Variants in KMT2D observed in about 807,000 individuals in gnomAD.
The protein encoded by KMT2D is histone-lysine N-methyltransferase 2D.
Under a neutral mutation model 512.7 loss-of-function variants are expected in KMT2D, and 55 were observed. The ratio of observed to expected loss-of-function variants is 0.11; its 90% confidence interval spans 0.09 to 0.13. KMT2D has a LOEUF of 0.13. Ranked by LOEUF, KMT2D falls within the 10% of genes least tolerant of loss-of-function variation. KMT2D has a pLI of 1.00. For missense variants in KMT2D, 6,061 were observed against 7,127.9 expected, an observed-to-expected ratio of 0.85 and a Z score of 5.39; for synonymous variants, 2,995 against 2,904.0, an observed-to-expected ratio of 1.03 and a Z score of -1.01.
rs970636133 is a variant in KMT2D at position 49,050,470 on chromosome 12, A to G, written c.3118T>C (p.Ser1040Pro). The change falls in exon 12 of 55, where the codon TCC becomes CCC. Residue 1040 changes from serine (S) to proline (P), a missense_variant. By Grantham distance (74) the Ser-to-Pro change is moderately conservative. This residue lies in a region of KMT2D where 447 missense variants were observed against 500.1 expected (regional missense o/e 0.89). Coordinates refer to ENST00000301067, the MANE Select transcript of KMT2D (RefSeq NM_003482.4). ...HSLVPQNSPP[S>P]QCSPPALPLS... is the part of the protein sequence containing the mutation. The stretch of plus-strand genomic sequence containing the variant: ...GGTAGGGCAGGAGGAGAGCACTGGG[A>G]AGGAGGGGAGTTTTGGGGAACCAGG... 1.2e-5 allele frequency: 19 copies of G among 1,613,616 alleles called. No homozygotes were observed. The highest frequency in any genetic ancestry group is 1.5e-5 in the Non-Finnish European group (18 of 1,179,754).
At chr12:49,048,854 G>T in intron 13 of KMT2D, 85 bp from the exon 14 acceptor site, 2 of 926,830 alleles carry the variant, frequency 2.2e-6, no homozygotes, top group Non-Finnish European at 3.4e-6. Context: ...GGGGAAGAAA[G>T]TGTGAACCCT....
intron 2 of KMT2D, 72 bp from the exon 3 acceptor site, chr12:49,055,098 T>A: frequency 1.9e-6 from 3 of 1,572,596 alleles, no homozygotes; most frequent in Middle Eastern, 1.7e-4. Flanking sequence ...ACCAGACGCA[T>A]GAGATTATCC....
In KMT2D at chr12:49,049,879, A is replaced by C. The variant is rs368506864; in HGVS notation, c.3709T>G (p.Ser1237Ala). The change falls in exon 12 of 55, where the codon TCC becomes GCC. Residue 1237 changes from serine (S) to alanine (A), a missense_variant. Physicochemically the swap from Ser to Ala is moderately conservative, Grantham distance 99 (BLOSUM62 1). This residue lies in a region of KMT2D where 447 missense variants were observed against 500.1 expected (regional missense o/e 0.89). Transcript: ENST00000301067. ...GAGACCCCCAACTCCATGGACAGGG[A>C]GCCACCCCCCTCCGGGTCTGGAGAG... ...LGSPDPEGGG[S>A]LSMELGVSTD... 3 of 1,613,724 alleles carry C rather than the reference A, an allele frequency of 1.9e-6. No homozygotes were observed. The highest frequency in any genetic ancestry group is 2.5e-6 in the Non-Finnish European group (3 of 1,179,874).
rs1449262096 is a variant in KMT2D, at chr12:49,041,666, T to G, written c.6223A>C (p.Lys2075Gln). 5 of 1,613,204 alleles carry G rather than the reference T, an allele frequency of 3.1e-6. No individual in the cohort carries two copies. The Admixed American group carries it at 5.0e-5, about 16-fold the overall frequency. Residue 2075 changes from lysine (K) to glutamine (Q), a missense_variant, in exon 31 of 55, where the codon AAG (lysine) becomes CAG (glutamine). Physicochemically the swap from Lys to Gln is moderately conservative, Grantham distance 53 (BLOSUM62 1). Coordinates refer to ENST00000301067, the MANE Select transcript of KMT2D (RefSeq NM_003482.4). This position sits in a 1 kb window ranked among gnomAD's most constrained non-coding sequence, Gnocchi z 5.4. ...KDNRAAHRIN[K>Q]VQKQAESQIN... ...CCAGCCCCACTCACCTTCTGCACCT[T>G]GTTGATGCGGTGAGCTGCCCGGTTA...
In KMT2D at chr12:49,030,907, T is replaced by C. The variant is rs2120410902; in HGVS notation, c.13657A>G (p.Lys4553Glu). ...TGGGGGGTCACCTGTTTCAGCTGTTTCAGCAAGGCCTCGCTGGCCCTGACC... is the reference window on the plus strand; with the variant it reads ...TGGGGGGTCACCTGTTTCAGCTGTTCCAGCAAGGCCTCGCTGGCCCTGACC... ...DGVRASEALL[K>E]QLKQELSLLP... is the part of the protein sequence containing the mutation. Residue 4553 changes from lysine to glutamate, a missense_variant, in exon 41 of 55, where the codon AAA becomes GAA. Lys to Glu is a moderately conservative substitution (Grantham distance 56). Coordinates refer to ENST00000301067, the MANE Select transcript of KMT2D (RefSeq NM_003482.4). The C allele has an allele frequency of 1.2e-6, 2 of 1,613,830 alleles. No homozygotes were observed. The highest frequency in any genetic ancestry group is 1.7e-6 in the Non-Finnish European group (2 of 1,179,818).
chr12:49,037,816 A>G lies in KMT2D; in HGVS notation c.9540T>C (p.Ala3180=), dbSNP rs2120486028. The G allele has an allele frequency of 6.3e-7, 1 of 1,597,342 alleles. No homozygotes were observed. Among genetic ancestry groups the G allele is most frequent in the Non-Finnish European group, 8.5e-7 (1 of 1,171,808 alleles). ...TGPFSSSGHT[A]EKASFGATGG... The stretch of plus-strand genomic sequence containing the variant: ...CCGTGGCCCCAAAGGAGGCCTTCTC[A>G]GCTGTGTGCCCACTGCTAGAAAATG... The change falls in exon 35 of 55, where the codon GCT becomes GCC. Residue 3180 remains alanine, a synonymous_variant. Coordinates refer to ENST00000301067, the MANE Select transcript of KMT2D (RefSeq NM_003482.4).
intron 1 of KMT2D, among the ~76,000 whole-genome samples, chr12:49,059,318 T>G (rs761994423): frequency 2.6e-5 from 4 of 152,028 alleles, no homozygotes; most frequent in Non-Finnish European, 4.4e-5. Context: ...GGTCCTAGTT[T>G]AGTCGAGCTC....
In KMT2D at chr12:49,022,274, T is replaced by A. The variant is rs1029145285; in HGVS notation, c.16412+6A>T. The stretch of plus-strand genomic sequence containing the variant: ...ACTAAATCCCTCCTTCCTCGTCATC[T>A]CTCACCTGGCAGGGCCGCCGGTCAA... On this transcript the variant is annotated splice_donor_region_variant and intron_variant, in intron 53 of 54. Coordinates refer to ENST00000301067, the MANE Select transcript of KMT2D (RefSeq NM_003482.4). The surrounding 1 kb of genome is among the most constrained non-coding windows in gnomAD (Gnocchi z 8.6). The A allele has an allele frequency of 6.2e-7, 1 of 1,604,856 alleles. No homozygotes were observed. Among genetic ancestry groups the A allele is most frequent in the Non-Finnish European group, 8.5e-7 (1 of 1,172,200 alleles).
Position 49,039,385 on chromosome 12 carries a change from G to A in KMT2D, c.8230-27C>T, listed in dbSNP as rs2120510858. 1.6e-5 allele frequency: 26 copies of A among 1,607,652 alleles called. No homozygotes were observed. The highest frequency in any genetic ancestry group is 2.2e-5 in the Non-Finnish European group (26 of 1,176,452). ...TAGAAGAGACAAGGTAGATGAAGGT[G>A]GAGCAACCTTCAATATCCTGGCCCC... On this transcript the variant is annotated intron_variant, in intron 33 of 54. Coordinates refer to ENST00000301067, the MANE Select transcript of KMT2D (RefSeq NM_003482.4). This position sits in a 1 kb window ranked among gnomAD's most constrained non-coding sequence, Gnocchi z 5.0.
At position 49,053,092 on chromosome 12, in the gene KMT2D, A is replaced by G; in HGVS notation, c.955-20T>C. On this transcript the variant is annotated intron_variant, in intron 8 of 54. Transcript: ENST00000301067. ...GCACGCCTAAGGGAAGGGAGTGGGC[A>G]AAACAGGCATTGGTCAGACAGCAAA... 1 of 1,613,950 alleles carries G rather than the reference A, an allele frequency of 6.2e-7. No homozygotes were observed. Among genetic ancestry groups the G allele is most frequent in the Non-Finnish European group, 8.5e-7 (1 of 1,179,798 alleles).
chr12:49,043,308 A>C, intron 25 of KMT2D, 55 bp downstream of exon 25: 10 of 1,580,114 alleles, frequency 6.3e-6, no homozygotes, highest in Non-Finnish European at 8.7e-6. Context: ...GGCACAGCAG[A>C]GGGACAGAGG....
Position 49,051,370 on chromosome 12 carries a change from G to GGACAGGTGTGGCTCCTCAGCCTGCGGA in KMT2D, c.2286_2312dup (p.Ala765_Gln773dup), listed in dbSNP as rs753915746. ...ATAGGCATGGCTCCTCAGGCTGGGG[G>GGACAGGTGTGGCTCCTCAGCCTGCGGA]GACAGGTGTGGCTCCTCAGCCTGCG... On this transcript the variant is annotated inframe_insertion, in exon 11 of 55. Transcript: ENST00000301067. 3.1e-6 allele frequency: 5 copies of GGACAGGTGTGGCTCCTCAGCCTGCGGA among 1,610,082 alleles called. No individual in the cohort carries two copies. The highest frequency in any genetic ancestry group is 4.2e-6 in the Non-Finnish European group (5 of 1,178,078).
rs2120585374 is a variant in KMT2D at position 49,044,543 on chromosome 12, G to A, written c.4964-21C>T. The A allele has an allele frequency of 6.2e-7, 1 of 1,612,526 alleles. No homozygotes were observed. Among genetic ancestry groups the A allele is most frequent in the Non-Finnish European group, 8.5e-7 (1 of 1,179,224 alleles). ...ACCACCTGCGTATGGTGACAGAAGA[G>A]ATGGAGGCAAATCAGAACTATAGGC... On this transcript the variant is annotated intron_variant, in intron 20 of 54. Coordinates refer to ENST00000301067, the MANE Select transcript of KMT2D (RefSeq NM_003482.4). The surrounding 1 kb of genome is among the most constrained non-coding windows in gnomAD (Gnocchi z 6.4).
rs1942699535 is a variant in KMT2D at position 49,028,078 on chromosome 12, C to G, written c.14446G>C (p.Glu4816Gln). ...LLSMKIPNSY[E>Q]VLFPESPARA... ...GCGGGGCTCTCTGGGAACAGCACCT[C>G]ATAGGAGTTGGGGATCTTCATGCTC... is the stretch of plus-strand genomic sequence containing the variant. The change falls in exon 47 of 55, where the codon GAG becomes CAG. Residue 4816 changes from glutamate (E) to glutamine (Q), a missense_variant. Transcript: ENST00000301067. The G allele has an allele frequency of 3.1e-6, 5 of 1,613,962 alleles. No homozygotes were observed. Among genetic ancestry groups the G allele is most frequent in the Non-Finnish European group, 4.2e-6 (5 of 1,179,874 alleles).
rs1268999087 is a variant in KMT2D, at chr12:49,040,268, C to T, written c.7502G>A (p.Gly2501Glu). The change falls in exon 32 of 55, where the codon GGG becomes GAG. Residue 2501 changes from glycine to glutamate, a missense_variant. By Grantham distance (98) the Gly-to-Glu change is moderately conservative. This residue lies in a region of KMT2D where 710 missense variants were observed against 647.3 expected (regional missense o/e 1.10). Transcript: ENST00000301067. ...CTTGGCATGGAGCTCACCTGCTGGC[C>T]CCGCGGGCAGGGCTGCTGGGAACCC... ...AGGFPAALPA[G>E]PAGELHAKVP... is the part of the protein sequence containing the mutation. 4.3e-6 allele frequency: 7 copies of T among 1,610,570 alleles called. No individual in the cohort carries two copies. Among genetic ancestry groups the T allele is most frequent in the South Asian group, 1.1e-5 (1 of 90,778 alleles).
Position 49,038,578 on chromosome 12 carries a change from T to C in KMT2D, c.8778A>G (p.Val2926=). 1 of 1,612,618 alleles carries C rather than the reference T, an allele frequency of 6.2e-7. No homozygotes were observed. Among genetic ancestry groups the C allele is most frequent in the South Asian group, 1.1e-5 (1 of 91,074 alleles). The change falls in exon 35 of 55, where the codon GTA becomes GTG. Residue 2926 remains valine, a synonymous_variant. Coordinates refer to ENST00000301067, the MANE Select transcript of KMT2D (RefSeq NM_003482.4). The surrounding 1 kb of genome is among the most constrained non-coding windows in gnomAD (Gnocchi z 5.7). ...AGGGTTTCTGTGGGGGAAGACCTGA[T>C]ACCGCCAGGCCCCGAAGCCCTTCAG... ...LAPEGLRGLA[V]SGLPPQKPSA...
chr12:49,044,725 TA>T lies in KMT2D; in HGVS notation c.4963+18del. 6.2e-7 allele frequency: 1 copy of T among 1,607,006 alleles called. No homozygotes were observed. The highest frequency in any genetic ancestry group is 8.5e-7 in the Non-Finnish European group (1 of 1,174,168). ...ACGCTCCCCCTACTCTGCCGCTCCC[TA>T]AGATTCCCCAAGCTAACCTTCACCC... On this transcript the variant is annotated intron_variant, in intron 20 of 54. Coordinates refer to ENST00000301067, the MANE Select transcript of KMT2D (RefSeq NM_003482.4). The surrounding 1 kb of genome is among the most constrained non-coding windows in gnomAD (Gnocchi z 6.4).
rs200767468 is a variant in KMT2D at position 49,053,490 on chromosome 12, C to T, written c.825G>A (p.Val275=). ...RAGWQCPECK[V]CQACRKPGND... is the part of the protein sequence containing the mutation. ...TCCATTCCTACCTGCAGGCTTGGCA[C>T]ACTTTGCATTCAGGGCACTGCCAGC... The change falls in exon 7 of 55, where the codon GTG becomes GTA. Residue 275 remains valine (V), a synonymous_variant. Transcript: ENST00000301067. 2.2e-5 allele frequency: 35 copies of T among 1,610,718 alleles called. No individual in the cohort carries two copies. The East Asian group carries it at 5.4e-4, about 25-fold the overall frequency.
chr12:49,048,052 A>G lies in KMT2D; in HGVS notation c.4149T>C (p.Cys1383=), dbSNP rs1565809609. The part of the protein sequence containing the change: ...FVLMQDMCVV[C]GSFGRGAEGH... ...CCTCTGCCCCCCGGCCAAAGCTGCC[A>G]CATACCACACACATGTCCTGGGGAA... The change falls in exon 15 of 55, where the codon TGT becomes TGC. Residue 1383 remains cysteine (C), a synonymous_variant. Transcript: ENST00000301067. 6.2e-7 allele frequency: 1 copy of G among 1,607,386 alleles called. No homozygotes were observed. The highest frequency in any genetic ancestry group is 8.5e-7 in the Non-Finnish European group (1 of 1,174,294).
Sources: gnomAD v4.1 joint callset for allele counts (sites outside exome capture counted in the v4.1 genomes callset) on GRCh38, gnomAD v4.1.1 for gene constraint, gnomAD v4.1.1 regional missense constraint, Gnocchi (gnomAD v3.1) non-coding constraint, MANE v1.5 for transcripts, NCBI Gene and HGNC (gene_info 2026-07-23, HGNC 2026-07-21) for gene names.